The following VMP1 variants were observed in gnomAD, a reference collection of about 807,000 sequenced individuals.
The protein encoded by VMP1 is vacuole membrane protein 1.
Under a neutral mutation model 56.0 loss-of-function variants are expected in VMP1, and 11 were observed. The observed-to-expected ratio is 0.20, with a 90% CI of 0.12 to 0.32. The LOEUF is 0.32. VMP1 is among the 10% of genes least tolerant of loss of function. The probability of loss-of-function intolerance (pLI) is 1.00; values close to 1 mark genes in which losing one functional copy is unlikely to be tolerated. For missense variants in VMP1, 296 were observed against 490.3 expected (o/e 0.60, Z 3.74); for synonymous variants, 149 against 165.0 (o/e 0.90, Z 0.74).
intron 9 of VMP1, among the ~76,000 whole-genome samples, chr17:59,813,087 A>T (rs2144235394): frequency 6.6e-6 from 1 of 152,302 alleles, no homozygotes; most frequent in South Asian, 2.1e-4. Flanking sequence ...GCTTCTACTT[A>T]TCCAGTTTAT....
chr17:59,770,872 A>G (rs2036399214), intron 6 of VMP1, among the ~76,000 whole-genome samples: 1 of 152,062 alleles, frequency 6.6e-6, no homozygotes, highest in Admixed American at 6.6e-5. Flanking sequence ...TTTCACATTT[A>G]TGCTGAAGAA....
chr17:59,813,664 G>A (rs904460907), intron 9 of VMP1, among the ~76,000 whole-genome samples: 1 of 151,846 alleles, frequency 6.6e-6, no homozygotes, highest in African/African-American at 2.4e-5. Context: ...TCTGAAAATA[G>A]GTTTTTCTTT....
At chr17:59,762,378 A>G (rs2036089305) in intron 5 of VMP1, among the ~76,000 whole-genome samples, 1 of 152,188 alleles carries the variant, frequency 6.6e-6, no homozygotes. Context: ...TGTGACTCAT[A>G]TTTGCTACAT....
chr17:59,749,679 T>G (rs886866266), intron 5 of VMP1, among the ~76,000 whole-genome samples: 2 of 151,840 alleles, frequency 1.3e-5, no homozygotes, highest in Non-Finnish European at 2.9e-5. Context: ...CCTGGCTAGT[T>G]TTTGTAGTTT....
In VMP1 at chr17:59,789,797, TTTTC is replaced by T. The variant is rs1301706680; in HGVS notation, c.714+15923_714+15926del. Among the ~76,000 whole-genome samples, 20 of 151,406 alleles carry T rather than the reference TTTTC, an allele frequency of 1.3e-4. 1 individual carries two copies. In the South Asian group the frequency reaches 2.5e-3, roughly 19 times the overall value. On this transcript the variant is annotated intron_variant, in intron 7 of 11. Transcript: ENST00000262291. ...ATCAATCTGCAGTTCTTTCTCTTTC[TTTTC>T]TTTCTTTCTTCCTTCCTTCCTTTCT...
chr17:59,779,611 A>G (rs772269942), intron 7 of VMP1, among the ~76,000 whole-genome samples: 5 of 152,080 alleles, frequency 3.3e-5, no homozygotes, highest in Non-Finnish European at 7.4e-5. Flanking sequence ...TCTGTTTTCT[A>G]TGTTTTGGGG....
chr17:59,804,094 T>C (rs1008283558), intron 7 of VMP1, among the ~76,000 whole-genome samples: 7 of 151,954 alleles, frequency 4.6e-5, no homozygotes, highest in Admixed American at 3.9e-4. Flanking sequence ...AATATTATTC[T>C]AAAATCACAA....
intron 7 of VMP1, among the ~76,000 whole-genome samples, chr17:59,774,631 T>C (rs976024611): frequency 6.6e-6 from 1 of 152,192 alleles, no homozygotes; most frequent in African/African-American, 2.4e-5. Flanking sequence ...ATGACAATAG[T>C]AATAGTAGAA....
intron 1 of VMP1, among the ~76,000 whole-genome samples, chr17:59,710,102 C>T (rs2033852614): frequency 6.6e-6 from 1 of 152,044 alleles, no homozygotes; most frequent in Non-Finnish European, 1.5e-5. Context: ...GAGGCTGAGG[C>T]AGGAGAATGG....
chr17:59,804,532 T>C (rs568618645), intron 7 of VMP1, among the ~76,000 whole-genome samples: 1 of 150,440 alleles, frequency 6.6e-6, no homozygotes, highest in African/African-American at 2.4e-5. Flanking sequence ...GGAGAATCAC[T>C]TGAACCCGGG....
intron 7 of VMP1, among the ~76,000 whole-genome samples, chr17:59,801,124 G>A (rs1161930409): frequency 2.2e-5 from 3 of 138,402 alleles, no homozygotes; most frequent in Non-Finnish European, 4.5e-5. Flanking sequence ...GTGTGTGTGT[G>A]TGTGTGTGTG....
At chr17:59,777,041 A>C (rs1233398370) in intron 7 of VMP1, among the ~76,000 whole-genome samples, 3 of 151,754 alleles carry the variant, frequency 2.0e-5, no homozygotes, top group Non-Finnish European at 4.4e-5. Context: ...ACCACTTTCC[A>C]CTCGGTAACA....
At chr17:59,804,615 TAAAAAAAAA>T (rs35616891) in intron 7 of VMP1, among the ~76,000 whole-genome samples, 4 of 70,162 alleles carry the variant, frequency 5.7e-5, no homozygotes, top group Non-Finnish European at 7.7e-5. Context: ...AGACTCCAGC[TAAAAAAAAA>T]AAAAAAAAAA....
At chr17:59,836,932 T>C (rs1002217606) in intron 10 of VMP1, among the ~76,000 whole-genome samples, 1 of 152,042 alleles carries the variant, frequency 6.6e-6, no homozygotes, top group Non-Finnish European at 1.5e-5. Flanking sequence ...CCAGTCGCGG[T>C]GGCTCACACC....
intron 5 of VMP1, among the ~76,000 whole-genome samples, chr17:59,757,009 T>G (rs548888498): frequency 2.0e-5 from 3 of 152,106 alleles, no homozygotes; most frequent in Non-Finnish European, 4.4e-5. Flanking sequence ...ACTTGAAAAG[T>G]TCAAAATCCA....
intron 7 of VMP1, among the ~76,000 whole-genome samples, chr17:59,800,545 T>C (rs1443048886): frequency 6.6e-6 from 1 of 152,220 alleles, no homozygotes; most frequent in Non-Finnish European, 1.5e-5. Context: ...TAATATTGGC[T>C]GTGAAATCAC....
chr17:59,799,914 G>C (rs1428684975), intron 7 of VMP1, among the ~76,000 whole-genome samples: 1 of 142,198 alleles, frequency 7.0e-6, no homozygotes, highest in Non-Finnish European at 1.5e-5. Flanking sequence ...AGTGAGCTGA[G>C]ATCCTGGGGG....
At chr17:59,758,244 C>G (rs910764333) in intron 5 of VMP1, among the ~76,000 whole-genome samples, 13 of 152,122 alleles carry the variant, frequency 8.5e-5, no homozygotes, top group Non-Finnish European at 4.4e-5. Flanking sequence ...AGCAGATGGT[C>G]TGTCTTGGCA....
At chr17:59,809,105 T>C (rs1438281916) in intron 8 of VMP1, among the ~76,000 whole-genome samples, 1 of 151,022 alleles carries the variant, frequency 6.6e-6, no homozygotes, top group Non-Finnish European at 1.5e-5. Context: ...GCTCAAGCAA[T>C]TCTCCTGTCT....
Sources: allele counts gnomAD v4.1 joint callset (sites outside exome capture counted in the v4.1 genomes callset), GRCh38; gene constraint gnomAD v4.1.1; transcripts MANE v1.5; gene names NCBI Gene and HGNC (gene_info 2026-07-23, HGNC 2026-07-21).